MKLN1: variants seen among roughly 807,000 people sequenced by gnomAD.
The protein encoded by MKLN1 is muskelin 1.
In MKLN1, 18 loss-of-function variants were observed where a neutral mutation model predicts 99.0. That is an observed-to-expected ratio of 0.18 (90% CI 0.13 to 0.27). MKLN1 has a LOEUF of 0.27. Among genes scored for constraint, MKLN1 ranks in the 10% least tolerant of loss-of-function variants. The pLI is 1.00. For synonymous variants in MKLN1, 288 were observed against 293.2 expected (o/e 0.98, Z 0.18); for missense variants, 621 against 875.9 (o/e 0.71, Z 3.67).
intron 1 of MKLN1, among the ~76,000 whole-genome samples, chr7:131,329,351 C>G (rs959125614): frequency 5.9e-5 from 9 of 152,192 alleles, no homozygotes; most frequent in African/African-American, 2.2e-4. Flanking sequence ...CCTGCGTAGC[C>G]TATTCATGGC....
rs778812218 is a variant in MKLN1 at position 131,464,419 on chromosome 7, T to G, written c.1788+11T>G. 6.6e-7 allele frequency: 1 copy of G among 1,509,732 alleles called. No individual in the cohort carries two copies. The highest frequency in any genetic ancestry group is 9.2e-7 in the Non-Finnish European group (1 of 1,086,430). 93.5% of individuals were successfully genotyped at this position (1,509,732 alleles called of 1,614,324 possible). ...GATGAGCTACACAAGGTATCCTAAC[T>G]ACATTGACCTGTAAACTTTCCATGG... On this transcript the variant is annotated intron_variant, in intron 14 of 17. Coordinates refer to ENST00000352689, the MANE Select transcript of MKLN1 (RefSeq NM_013255.5).
intron 1 of MKLN1, among the ~76,000 whole-genome samples, chr7:131,368,410 G>C (rs1800245819): frequency 6.6e-6 from 1 of 152,196 alleles, no homozygotes; most frequent in East Asian, 1.9e-4. Context: ...CCTGAGGCTG[G>C]GTGATTTATG....
chr7:131,374,142 CTT>C (rs1160848121), intron 1 of MKLN1, among the ~76,000 whole-genome samples: 1 of 152,096 alleles, frequency 6.6e-6, no homozygotes, highest in Non-Finnish European at 1.5e-5. Flanking sequence ...TTAAAAAACA[CTT>C]TTTTTCTTGT....
intron 1 of MKLN1, 72 bp from the exon 2 acceptor site, chr7:131,375,352 A>T (rs2116847017): frequency 2.2e-6 from 2 of 907,406 alleles, no homozygotes; most frequent in East Asian, 2.4e-5. Flanking sequence ...TGATAATTTC[A>T]GCATCTGGTA....
At chr7:131,321,132 G>A (rs989745558) in intron 3 of MKLN1, among the ~76,000 whole-genome samples, 2 of 152,276 alleles carry the variant, frequency 1.3e-5, no homozygotes, top group African/African-American at 4.8e-5. Context: ...ACATGCACAT[G>A]TGTGTTTGCC....
chr7:131,424,688 AT>A (rs2116405091), intron 8 of MKLN1, among the ~76,000 whole-genome samples: 1 of 152,250 alleles, frequency 6.6e-6, no homozygotes, highest in Non-Finnish European at 1.5e-5. Flanking sequence ...ATGTGGTTGA[AT>A]TTTAGTTTTT....
At chr7:131,132,936 AAAAAAAAAAAAAAAGAAAG>A (rs1389272959) in intron 1 of MKLN1, among the ~76,000 whole-genome samples, 8 of 119,974 alleles carry the variant, frequency 6.7e-5, no homozygotes, top group Non-Finnish European at 1.2e-4. Flanking sequence ...AAAAAAAAAA[AAAAAAAAAAAAAAAGAAAG>A]AAAGAAAGAA....
Position 131,138,895 on chromosome 7 carries a change from AT to A in MKLN1, c.-418-3924del, listed in dbSNP as rs537016372. Among the ~76,000 whole-genome samples, 722 of 152,348 alleles carry A rather than the reference AT, an allele frequency of 4.7e-3. 1 individual carries two copies. The highest frequency in any genetic ancestry group is 0.01 in the Middle Eastern group (3 of 294). On this transcript the variant is annotated intron_variant, in intron 1 of 7. Coordinates refer to the MKLN1 transcript ENST00000416992. Reference sequence around the variant, plus strand: ...TCTTGGAAAACCTAAGTCATCTGGAATGATTACAACTTAGAAATAATGTTTC... The same window carrying A: ...TCTTGGAAAACCTAAGTCATCTGGAAGATTACAACTTAGAAATAATGTTTC...
At chr7:131,303,556 G>A (rs1239975477) in intron 3 of MKLN1, among the ~76,000 whole-genome samples, 6 of 152,198 alleles carry the variant, frequency 3.9e-5, no homozygotes, top group Admixed American at 3.9e-4. Context: ...GGAACCATGA[G>A]AGAGCAGAAA....
chr7:131,421,581 G>A (rs758343090), intron 8 of MKLN1, among the ~76,000 whole-genome samples: 3 of 152,040 alleles, frequency 2.0e-5, no homozygotes, highest in African/African-American at 7.3e-5. Flanking sequence ...AATTGTGAGA[G>A]TTAAATGAAA....
At chr7:131,483,201 G>A (rs2116694899) in intron 17 of MKLN1, among the ~76,000 whole-genome samples, 1 of 152,278 alleles carries the variant, frequency 6.6e-6, no homozygotes, top group Non-Finnish European at 1.5e-5. Flanking sequence ...TTAAGTAGTT[G>A]TGGTACTGTT....
chr7:131,223,114 A>T (rs993231695), intron 3 of MKLN1, among the ~76,000 whole-genome samples: 3 of 152,186 alleles, frequency 2.0e-5, no homozygotes, highest in African/African-American at 7.2e-5. Flanking sequence ...CTCTGCCCCT[A>T]CATAGGAAAG....
intron 3 of MKLN1, among the ~76,000 whole-genome samples, chr7:131,322,339 G>T (rs1798794713): frequency 6.6e-6 from 1 of 152,140 alleles, no homozygotes; most frequent in Non-Finnish European, 1.5e-5. Flanking sequence ...CTCACAGTGG[G>T]TCAATAAATC....
chr7:131,281,226 A>G (rs1168788461), intron 3 of MKLN1, among the ~76,000 whole-genome samples: 1 of 145,392 alleles, frequency 6.9e-6, no homozygotes, highest in Non-Finnish European at 1.5e-5. Flanking sequence ...TTTTTTGTAT[A>G]GTGTTGAGAG....
chr7:131,309,044 T>G (rs1798514724), intron 3 of MKLN1, among the ~76,000 whole-genome samples: 1 of 152,216 alleles, frequency 6.6e-6, no homozygotes, highest in African/African-American at 2.4e-5. Context: ...ATTGTCCAGT[T>G]TTCTATAAGG....
chr7:131,386,089 C>T (rs774989628), intron 2 of MKLN1, among the ~76,000 whole-genome samples: 9 of 150,480 alleles, frequency 6.0e-5, no homozygotes, highest in Non-Finnish European at 1.2e-4. Context: ...TCTTGGCTCA[C>T]TGCAACCTCC....
chr7:131,337,083 G>C (rs553227361), intron 1 of MKLN1, among the ~76,000 whole-genome samples: 1 of 152,118 alleles, frequency 6.6e-6, no homozygotes, highest in African/African-American at 2.4e-5. Flanking sequence ...AAAATCAGCC[G>C]TCAGACTTAC....
At chr7:131,205,881 G>A (rs528072788) in intron 3 of MKLN1, among the ~76,000 whole-genome samples, 1 of 147,946 alleles carries the variant, frequency 6.8e-6, no homozygotes, top group African/African-American at 2.5e-5. Flanking sequence ...TCTGCTTCCA[G>A]CTGAGAAAAA....
chr7:131,150,513 T>A (rs756073474), intron 2 of MKLN1, among the ~76,000 whole-genome samples: 8 of 149,642 alleles, frequency 5.3e-5, no homozygotes, highest in African/African-American at 2.0e-4. Flanking sequence ...AAACAAACAA[T>A]AATAAAATAG....
Sources: gnomAD v4.1 joint callset for allele counts (sites outside exome capture counted in the v4.1 genomes callset) on GRCh38, gnomAD v4.1.1 for gene constraint, MANE v1.5 for transcripts, NCBI Gene and HGNC (gene_info 2026-07-23, HGNC 2026-07-21) for gene names.